PLSCR4: variants seen among roughly 807,000 people sequenced by gnomAD.
PLSCR4 encodes the protein phospholipid scramblase 4, also known as Ca(2+)-dependent phospholipid scramblase 4.
Under a neutral mutation model 36.3 loss-of-function variants are expected in PLSCR4, and 25 were observed. The observed-to-expected ratio is 0.69, with a 90% CI of 0.50 to 0.96. PLSCR4 has a LOEUF of 0.96. PLSCR4 is among the 40% of genes least tolerant of loss of function. The pLI is 0.00. For synonymous variants in PLSCR4, 122 were observed against 132.9 expected (o/e 0.92, Z 0.56); for missense variants, 408 against 414.7 (o/e 0.98, Z 0.14).
intron 1 of PLSCR4, among the ~76,000 whole-genome samples, chr3:146,239,089 T>C (rs1252328759): frequency 3.9e-5 from 6 of 152,118 alleles, no homozygotes; most frequent in Admixed American, 1.3e-4. Context: ...GTTGAAAGAA[T>C]TAAAGAAGAT....
At chr3:146,249,670 ATATAT>A (rs1196724192) in intron 1 of PLSCR4, among the ~76,000 whole-genome samples, 4 of 151,066 alleles carry the variant, frequency 2.6e-5, no homozygotes, top group Admixed American at 6.6e-5. Context: ...ATTATTTGTA[ATATAT>A]TATACATAAC....
At chr3:146,224,706 G>A (rs533857136) in intron 1 of PLSCR4, among the ~76,000 whole-genome samples, 7 of 151,870 alleles carry the variant, frequency 4.6e-5, no homozygotes, top group African/African-American at 1.2e-4. Context: ...ATGCTGGCTC[G>A]GGCAGCCTGC....
In PLSCR4 at chr3:146,192,896, A is replaced by T. The variant is rs1044643551; in HGVS notation, c.*1515T>A. On this transcript the variant is annotated 3_prime_UTR_variant, in exon 9 of 9. Coordinates refer to ENST00000354952, the MANE Select transcript of PLSCR4 (RefSeq NM_020353.3). ...AGAAAAACAAATTTACCCTGAAAAG[A>T]TGAATATAATTAAAAAACAAAGCAC... 2.6e-5 allele frequency: 4 copies of T among 152,138 alleles called. No homozygotes were observed. The highest frequency in any genetic ancestry group is 4.4e-5 in the Non-Finnish European group (3 of 68,000). The allele number at this position is 152,138 out of a possible 1,614,324, so 9.4% of individuals were successfully genotyped here. A position where few individuals can be genotyped will look rare whatever the true frequency, so the allele number is the denominator to read the frequency against.
At chr3:146,217,166 GA>G (rs757667204) in intron 3 of PLSCR4, among the ~76,000 whole-genome samples, 3 of 152,206 alleles carry the variant, frequency 2.0e-5, no homozygotes, top group Non-Finnish European at 4.4e-5. Context: ...AGATGTATAA[GA>G]AAAGGTGAAT....
intron 3 of PLSCR4, among the ~76,000 whole-genome samples, chr3:146,207,105 GATTAATTACTAACGT>G (rs1471667087): frequency 2.0e-5 from 3 of 152,048 alleles, no homozygotes; most frequent in Non-Finnish European, 2.9e-5. Flanking sequence ...GTTGTAGTGG[GATTAATTACTAACGT>G]ATTAATTACT....
intron 4 of PLSCR4, among the ~76,000 whole-genome samples, chr3:146,206,276 C>T (rs1204927569): frequency 6.6e-6 from 1 of 152,034 alleles, no homozygotes; most frequent in Non-Finnish European, 1.5e-5. Flanking sequence ...TTCAAGAAAA[C>T]ATCTTGAATG....
At chr3:146,202,212 A>C (rs893419670) in intron 4 of PLSCR4, among the ~76,000 whole-genome samples, 10 of 152,018 alleles carry the variant, frequency 6.6e-5, no homozygotes, top group African/African-American at 2.4e-4. Context: ...TTTATAGTCC[A>C]TTTTAGAAAA....
intron 1 of PLSCR4, among the ~76,000 whole-genome samples, chr3:146,225,274 T>C (rs1045693743): frequency 6.6e-6 from 1 of 152,222 alleles, no homozygotes; most frequent in Admixed American, 6.5e-5. Context: ...AACCTTCAGC[T>C]AAACACAGGG....
At chr3:146,236,015 G>C (rs2035898909) in intron 1 of PLSCR4, among the ~76,000 whole-genome samples, 1 of 152,090 alleles carries the variant, frequency 6.6e-6, no homozygotes, top group African/African-American at 2.4e-5. Context: ...GCAAAGAAAT[G>C]ACCTAAAACT....
intron 3 of PLSCR4, among the ~76,000 whole-genome samples, chr3:146,207,817 G>A (rs186791621): frequency 6.6e-6 from 1 of 152,148 alleles, no homozygotes; most frequent in Non-Finnish European, 1.5e-5. Context: ...AAGGAACCTA[G>A]ATTTCCTTAA....
chr3:146,248,302 C>G (rs2107873819), intron 1 of PLSCR4, among the ~76,000 whole-genome samples: 1 of 152,256 alleles, frequency 6.6e-6, no homozygotes, highest in East Asian at 1.9e-4. Flanking sequence ...AGGCAATGTT[C>G]TGTATAAATT....
At chr3:146,221,659 T>G (rs1303311020) in intron 2 of PLSCR4, among the ~76,000 whole-genome samples, 2 of 152,202 alleles carry the variant, frequency 1.3e-5, no homozygotes, top group East Asian at 3.8e-4. Flanking sequence ...GTGGTTTTTC[T>G]CTCTTTATGT....
intron 8 of PLSCR4, 59 bp downstream of exon 8, chr3:146,195,065 A>G (rs989383888): frequency 2.0e-6 from 3 of 1,469,770 alleles, no homozygotes; most frequent in Non-Finnish European, 2.8e-6. Context: ...ACTACACTAT[A>G]CTGCTTCTCC....
intron 1 of PLSCR4, among the ~76,000 whole-genome samples, chr3:146,242,947 A>G (rs2036208216): frequency 6.6e-6 from 1 of 152,174 alleles, no homozygotes. Flanking sequence ...TAATGGATCC[A>G]CTACCTTTTG....
intron 1 of PLSCR4, among the ~76,000 whole-genome samples, chr3:146,223,944 A>C (rs987893835): frequency 1.2e-4 from 16 of 138,762 alleles, no homozygotes; most frequent in Admixed American, 8.3e-4. Flanking sequence ...ATATATAATA[A>C]TTATAAATAA....
intron 4 of PLSCR4, among the ~76,000 whole-genome samples, chr3:146,205,663 A>G (rs2034284993): frequency 6.6e-6 from 1 of 152,128 alleles, no homozygotes; most frequent in Non-Finnish European, 1.5e-5. Context: ...TGTGCCAGGC[A>G]GAACACAGCA....
intron 1 of PLSCR4, among the ~76,000 whole-genome samples, chr3:146,236,131 C>T (rs1185278595): frequency 6.6e-6 from 1 of 152,110 alleles, no homozygotes; most frequent in African/African-American, 2.4e-5. Context: ...TTCAAGCAAT[C>T]TTGAGAAATT....
chr3:146,215,722 T>C (rs976395780), intron 3 of PLSCR4, among the ~76,000 whole-genome samples: 1 of 152,216 alleles, frequency 6.6e-6, no homozygotes, highest in African/African-American at 2.4e-5. Context: ...ATTCACCTCA[T>C]GTCCACATAA....
At position 146,246,218 on chromosome 3, in the gene PLSCR4, G is replaced by T. The variant is rs1419406709; in HGVS notation, c.-22+4742C>A. Among the ~76,000 whole-genome samples the T allele has an allele frequency of 3.9e-5, 6 of 152,060 alleles. No individual in the cohort carries two copies. In the East Asian group the frequency reaches 9.6e-4, roughly 24 times the overall value. On this transcript the variant is annotated intron_variant, in intron 1 of 8. Transcript: ENST00000354952. Reference sequence around the variant, plus strand: ...CATGTTAACATATATGTATTTAATTGTATCTTTGCATAAAATCAATTCTAG... The same window carrying T: ...CATGTTAACATATATGTATTTAATTTTATCTTTGCATAAAATCAATTCTAG...
Sources: allele counts gnomAD v4.1 joint callset (sites outside exome capture counted in the v4.1 genomes callset), GRCh38; gene constraint gnomAD v4.1.1; transcripts MANE v1.5; gene names NCBI Gene and HGNC (gene_info 2026-07-23, HGNC 2026-07-21).